TMPRSS9: variants seen among roughly 807,000 people sequenced by gnomAD.
TMPRSS9 encodes the protein transmembrane protease serine 9.
A neutral mutation model predicts 111.4 loss-of-function variants in TMPRSS9; 113 were observed. The observed-to-expected ratio is 1.01, with a 90% CI of 0.87 to 1.19. The LOEUF is 1.19. TMPRSS9 is among the 50% of genes most tolerant of loss of function. The pLI is 0.00. For missense variants in TMPRSS9, 1,803 were observed against 1,513.1 expected, an observed-to-expected ratio of 1.19 and a Z score of -3.18; for synonymous variants, 805 against 659.1, an observed-to-expected ratio of 1.22 and a Z score of -3.39.
intron 1 of TMPRSS9, 115 bp from the exon 3 acceptor site, chr19:2,396,424 C>G: frequency 2.3e-6 from 3 of 1,311,940 alleles, no homozygotes; most frequent in Non-Finnish European, 3.1e-6. Context: ...CACTGCGTGT[C>G]AGGAGTGACC....
intron 5 of TMPRSS9, among the ~76,000 whole-genome samples, 185 bp downstream of exon 6, chr19:2,402,201 T>C (rs911385834): frequency 6.6e-6 from 1 of 150,960 alleles, no homozygotes; most frequent in Non-Finnish European, 1.5e-5. Context: ...GAGACCAGGC[T>C]GGACAACAGA....
upstream of TMPRSS9, among the ~76,000 whole-genome samples, chr19:2,385,393 G>A (rs60235468): frequency 0.1 from 15,726 of 152,206 alleles, 1,585 homozygotes; most frequent in African/African-American, 0.27. Flanking sequence ...TGGATCCCCT[G>A]CTCCAACGAG....
intron 1 of TMPRSS9, among the ~76,000 whole-genome samples, chr19:2,371,412 C>T (rs368761003): frequency 2.0e-5 from 3 of 152,148 alleles, no homozygotes; most frequent in Non-Finnish European, 2.9e-5. Context: ...AGCTGCCGGG[C>T]GCAGCGGCTC....
At chr19:2,405,651 A>G in intron 7 of TMPRSS9, 106 bp downstream of exon 8, 4 of 1,207,018 alleles carry the variant, frequency 3.3e-6, no homozygotes, top group Non-Finnish European at 4.4e-6. Flanking sequence ...CCCTGGAAGT[A>G]ATTTTTTCTT....
chr19:2,371,690 C>T (rs537916635), intron 1 of TMPRSS9, among the ~76,000 whole-genome samples: 15 of 150,762 alleles, frequency 9.9e-5, no homozygotes, highest in Admixed American at 5.9e-4. Context: ...AGCAAGACTC[C>T]GTCTCAAAAA....
chr19:2,367,195 G>A (rs1599273640), intron 1 of TMPRSS9, among the ~76,000 whole-genome samples: 1 of 151,268 alleles, frequency 6.6e-6, no homozygotes, highest in East Asian at 1.9e-4. Context: ...ATTAGGCTCT[G>A]CTAGGTGAGG....
rs1015614227 is a variant in TMPRSS9, at chr19:2,424,197, G to T, written c.2657G>T (p.Arg886Leu). ...CTGTGGCTGCGGCGCCGGGAACACC[G>T]TTGCGGGGCCGTGCTGGTGGCAGAG... The change falls in exon 15 of 18, where the codon CGT becomes CTT. Residue 886 changes from arginine to leucine, a missense_variant. Transcript: ENST00000648592. 1.2e-5 allele frequency: 18 copies of T among 1,458,872 alleles called. No individual in the cohort carries two copies. The East Asian group carries it at 2.4e-4, about 20-fold the overall frequency. The allele number at this position is 1,458,872 out of a possible 1,614,324, so 90.4% of individuals were successfully genotyped here.
chr19:2,369,017 T>TCTC (rs1206879111), intron 1 of TMPRSS9, among the ~76,000 whole-genome samples: 4 of 149,756 alleles, frequency 2.7e-5, no homozygotes, highest in African/African-American at 9.9e-5. Flanking sequence ...AAAGGTGTGA[T>TCTC]CTCGGCTCAC....
Position 2,396,530 on chromosome 19 carries a change from C to T in TMPRSS9, c.143-9C>T, listed in dbSNP as rs1191186669. On this transcript the variant is annotated splice_polypyrimidine_tract_variant and intron_variant, in intron 1 of 17. Transcript: ENST00000648592. ...TGGGCTCTCTCACGGGCCCTGGTCTCGTCCCCAGCCTTCCTCTCTACACAG... is the reference window on the plus strand; with the variant it reads ...TGGGCTCTCTCACGGGCCCTGGTCTTGTCCCCAGCCTTCCTCTCTACACAG... 15 of 1,594,200 alleles carry T rather than the reference C, an allele frequency of 9.4e-6. No individual in the cohort carries two copies. Among genetic ancestry groups the T allele is most frequent in the Admixed American group, 1.7e-5 (1 of 57,788 alleles).
At chr19:2,384,981 C>CAAAA (rs1340652495), upstream of TMPRSS9, among the ~76,000 whole-genome samples, 1 of 99,352 alleles carries the variant, frequency 1.0e-5, no homozygotes, top group African/African-American at 3.8e-5. Context: ...AACTCCATCT[C>CAAAA]AAAAAAAAAA....
At chr19:2,366,535 C>A (rs1970248628) in intron 1 of TMPRSS9, among the ~76,000 whole-genome samples, 1 of 152,056 alleles carries the variant, frequency 6.6e-6, no homozygotes, top group African/African-American at 2.4e-5. Context: ...TGGTTCTGGC[C>A]CATGGTCTCT....
chr19:2,367,425 T>C (rs1320138363), intron 1 of TMPRSS9, among the ~76,000 whole-genome samples: 1 of 152,114 alleles, frequency 6.6e-6, no homozygotes, highest in Admixed American at 6.6e-5. Flanking sequence ...GATGGAGTCT[T>C]GCTCCATTGC....
chr19:2,400,799 C>T (rs569108840), intron 4 of TMPRSS9, among the ~76,000 whole-genome samples: 1 of 151,108 alleles, frequency 6.6e-6, no homozygotes, highest in Non-Finnish European at 1.5e-5. Flanking sequence ...CACGGTGAAA[C>T]CCCATCTCTA....
chr19:2,391,411 T>C (rs1193569997), intron 1 of TMPRSS9, among the ~76,000 whole-genome samples: 4 of 151,110 alleles, frequency 2.6e-5, no homozygotes, highest in Non-Finnish European at 4.4e-5. Context: ...GTGGAACTTC[T>C]GGAAACTCCC....
intron 15 of TMPRSS9, 54 bp from the exon 17 acceptor site, chr19:2,424,948 G>GCCGCGACCCCC: frequency 7.2e-7 from 1 of 1,396,734 alleles, no homozygotes; most frequent in Non-Finnish European, 9.2e-7. Context: ...CCACAGGGGC[G>GCCGCGACCCCC]GGGGCCGGGG....
chr19:2,395,276 C>T (rs1468662073), intron 1 of TMPRSS9, among the ~76,000 whole-genome samples: 1 of 151,968 alleles, frequency 6.6e-6, no homozygotes, highest in East Asian at 1.9e-4. Context: ...AAAAACTAGC[C>T]AGGTGTGGTG....
intron 1 of TMPRSS9, among the ~76,000 whole-genome samples, chr19:2,370,077 G>A (rs778609636): frequency 9.2e-5 from 14 of 152,028 alleles, no homozygotes; most frequent in South Asian, 8.3e-4. Flanking sequence ...GCATGATGGC[G>A]GGCACCAGTG....
intron 13 of TMPRSS9, among the ~76,000 whole-genome samples, chr19:2,418,617 C>T (rs1416269960): frequency 4.1e-4 from 3 of 7,356 alleles, no homozygotes; most frequent in African/African-American, 9.6e-4. Context: ...TCCCTCCCTC[C>T]GTTTCCTTCC....
At chr19:2,405,572 C>T (rs756799037) in intron 7 of TMPRSS9, 27 bp downstream of exon 8, 3 of 1,497,228 alleles carry the variant, frequency 2.0e-6, no homozygotes, top group African/African-American at 1.4e-5. Flanking sequence ...AAGCACCAAA[C>T]CCGAACCCTC....
Sources: allele counts gnomAD v4.1 joint callset (sites outside exome capture counted in the v4.1 genomes callset), GRCh38; gene constraint gnomAD v4.1.1; transcripts MANE v1.5; gene names NCBI Gene and HGNC (gene_info 2026-07-23, HGNC 2026-07-21).